REG3A: variants seen among roughly 807,000 people sequenced by gnomAD.
The protein encoded by REG3A is regenerating family member 3 alpha, also known as regenerating islet-derived protein 3-alpha.
Under a neutral mutation model 20.5 loss-of-function variants are expected in REG3A, and 15 were observed. That is an observed-to-expected ratio of 0.73 (90% confidence interval 0.49 to 1.12). The LOEUF is 1.12. REG3A is among the 50% of genes most tolerant of loss of function. The probability of loss-of-function intolerance (pLI) is 0.00; values close to 1 mark genes in which losing one functional copy is unlikely to be tolerated. For synonymous variants in REG3A, 93 were observed against 83.2 expected (o/e 1.12, Z -0.64); for missense variants, 224 against 213.1 (o/e 1.05, Z -0.32).
chr2:79,159,494 AT>A, intron 1 of REG3A, 55 bp from the exon 2 acceptor site: 1 of 1,306,508 alleles, frequency 7.7e-7, no homozygotes, highest in South Asian at 1.2e-5. Context: ...GCCTCATGTC[AT>A]TTTCCTTCTC....
chr2:79,157,464 C>A, intron 5 of REG3A, 108 bp downstream of exon 5: 1 of 1,502,756 alleles, frequency 6.7e-7, no homozygotes. Flanking sequence ...TAAGAGAAGA[C>A]ACACTAACAT....
chr2:79,157,110 A>G lies in REG3A; in HGVS notation c.*116T>C. 2 of 768,098 alleles carry G rather than the reference A, an allele frequency of 2.6e-6. No homozygotes were observed. The highest frequency in any genetic ancestry group is 1.6e-5 in the South Asian group (1 of 64,464). 47.6% of individuals were successfully genotyped at this position (768,098 alleles called of 1,614,324 possible). ...AAGAAACAGAAGAAAGATAAGAATG[A>G]GGTGGTCAGGTTGGGGGAATTAAGC... On this transcript the variant is annotated 3_prime_UTR_variant, in exon 6 of 6. Coordinates refer to ENST00000305165, the MANE Select transcript of REG3A (RefSeq NM_002580.3).
intron 1 of REG3A, 87 bp from the exon 2 acceptor site, chr2:79,159,526 G>A: frequency 2.2e-6 from 2 of 915,598 alleles, no homozygotes; most frequent in Non-Finnish European, 3.5e-6. Context: ...GGACTAAAGT[G>A]ATCTTGGTCA....
Position 79,157,618 on chromosome 2 carries a change from G to A in REG3A, c.414C>T (p.Ser138=), listed in dbSNP as rs745466115. 7 of 1,614,040 alleles carry A rather than the reference G, an allele frequency of 4.3e-6. No homozygotes were observed. The South Asian group carries it at 7.7e-5, about 18-fold the overall frequency. Reference sequence around the variant, plus strand: ...CACAGTGGCCGGGGCTTGAGATGGTGGAGGGATTTCTCTCCCATGCAAAGT... The same window carrying A: ...CACAGTGGCCGGGGCTTGAGATGGTAGAGGGATTTCTCTCCCATGCAAAGT... ...MNYFAWERNP[S]TISSPGHCAS... Residue 138 remains serine, a synonymous_variant, in exon 5 of 6, where the codon TCC becomes TCT. Coordinates refer to ENST00000305165, the MANE Select transcript of REG3A (RefSeq NM_002580.3).
rs1420982983 is a variant in REG3A at position 79,157,120 on chromosome 2, G to T, written c.*106C>A. On this transcript the variant is annotated 3_prime_UTR_variant, in exon 6 of 6. Coordinates refer to ENST00000305165, the MANE Select transcript of REG3A (RefSeq NM_002580.3). ...AGAAAGATAAGAATGAGGTGGTCAG[G>T]TTGGGGGAATTAAGCGAATATTCTC... 8 of 852,786 alleles carry T rather than the reference G, an allele frequency of 9.4e-6. No individual in the cohort carries two copies. Among genetic ancestry groups the T allele is most frequent in the Non-Finnish European group, 1.6e-5 (8 of 500,516 alleles). 52.8% of individuals were successfully genotyped at this position (852,786 alleles called of 1,614,324 possible). A position where few individuals can be genotyped will look rare whatever the true frequency, so the allele number is the denominator to read the frequency against.
In REG3A at chr2:79,159,324, T is replaced by C. The variant is rs1673392370; in HGVS notation, c.76+6A>G. 1 of 1,613,754 alleles carries C rather than the reference T, an allele frequency of 6.2e-7. No individual in the cohort carries two copies. The highest frequency in any genetic ancestry group is 8.5e-7 in the Non-Finnish European group (1 of 1,179,902). On this transcript the variant is annotated splice_donor_region_variant and intron_variant, in intron 2 of 5. Coordinates refer to ENST00000305165, the MANE Select transcript of REG3A (RefSeq NM_002580.3). ...GAACCCAGTGCTAGAGGCAAAGCAATCTCACCTTGAACCTGAGACAGCAGC... is the reference window on the plus strand; with the variant it reads ...GAACCCAGTGCTAGAGGCAAAGCAACCTCACCTTGAACCTGAGACAGCAGC...
In REG3A at chr2:79,158,785, A is replaced by AG. The variant is rs750566108; in HGVS notation, c.77-17dup. 4.6e-6 allele frequency: 7 copies of AG among 1,532,994 alleles called. No individual in the cohort carries two copies. Among genetic ancestry groups the AG allele is most frequent in the Non-Finnish European group, 6.3e-6 (7 of 1,108,852 alleles). 95.0% of individuals were successfully genotyped at this position (1,532,994 alleles called of 1,614,324 possible). A position where few individuals can be genotyped will look rare whatever the true frequency, so the allele number is the denominator to read the frequency against. ...GGTTCTTCACCTGAGGTGGAAGAAG[A>AG]GGGGGGAGGGTAAAATGAAGAGTGG... On this transcript the variant is annotated splice_polypyrimidine_tract_variant and intron_variant, in intron 2 of 5. Coordinates refer to ENST00000305165, the MANE Select transcript of REG3A (RefSeq NM_002580.3).
Position 79,158,710 on chromosome 2 carries a change from C to G in REG3A, c.136G>C (p.Ala46Pro). 6.2e-7 allele frequency: 1 copy of G among 1,614,070 alleles called. No individual in the cohort carries two copies. The highest frequency in any genetic ancestry group is 8.5e-7 in the Non-Finnish European group (1 of 1,180,020). Reference protein sequence around the residue: ...ARIRCPKGSKAYGSHCYALFL... With the variant: ...ARIRCPKGSKPYGSHCYALFL... ...AAGGCATAGCAGTGGGAGCCATAGGCCTTGGAGCCTTTGGGACAGCGGATC... is the reference window on the plus strand; with the variant it reads ...AAGGCATAGCAGTGGGAGCCATAGGGCTTGGAGCCTTTGGGACAGCGGATC... The change falls in exon 3 of 6, where the codon GCC becomes CCC. Residue 46 changes from alanine (A) to proline (P), a missense_variant. Ala to Pro is a conservative substitution (Grantham distance 27, BLOSUM62 -1). Transcript: ENST00000305165.
rs1206913303 is a variant in REG3A, at chr2:79,158,744, G to C, written c.102C>G (p.Pro34=). 5.0e-6 allele frequency: 8 copies of C among 1,613,992 alleles called. No individual in the cohort carries two copies. Among genetic ancestry groups the C allele is most frequent in the Non-Finnish European group, 6.8e-6 (8 of 1,179,962 alleles). ...VQGEEPQREL[P]SARIRCPKGS... ...CTTTGGGACAGCGGATCCGTGCAGAGGGCAGTTCCCTCTGGGGTTCTTCAC... is the reference window on the plus strand; with the variant it reads ...CTTTGGGACAGCGGATCCGTGCAGACGGCAGTTCCCTCTGGGGTTCTTCAC... Residue 34 remains proline, a synonymous_variant, in exon 3 of 6, where the codon CCC becomes CCG. Transcript: ENST00000305165.
chr2:79,159,425 G>C lies in REG3A; in HGVS notation c.-20C>G, dbSNP rs761859740. ...CAGCATAGTGTCTGCGACTTGAGGA[G>C]GCAATCAGGAGTCACTAAAGAAAGC... On this transcript the variant is annotated 5_prime_UTR_variant, in exon 2 of 6. Coordinates refer to ENST00000305165, the MANE Select transcript of REG3A (RefSeq NM_002580.3). 6.2e-7 allele frequency: 1 copy of C among 1,613,046 alleles called. No individual in the cohort carries two copies. Among genetic ancestry groups the C allele is most frequent in the Admixed American group, 1.7e-5 (1 of 59,942 alleles).
rs565734557 is a variant in REG3A, at chr2:79,159,398, G to A, written c.8C>T (p.Pro3Leu). Residue 3 changes from proline to leucine, a missense_variant, in exon 2 of 6, where the codon CCT (proline) becomes CTT (leucine). Coordinates refer to ENST00000305165, the MANE Select transcript of REG3A (RefSeq NM_002580.3). ML[P>L]PMALPSVSWM... The stretch of plus-strand genomic sequence containing the variant: ...AGATACACTGGGCAGGGCCATGGGA[G>A]GCAGCATAGTGTCTGCGACTTGAGG... 91 of 1,613,912 alleles carry A rather than the reference G, an allele frequency of 5.6e-5. 2 individuals carry two copies. In the South Asian group the frequency reaches 9.0e-4, roughly 16 times the overall value.
At position 79,159,424 on chromosome 2, in the gene REG3A, A is replaced by T. The variant is rs775447106; in HGVS notation, c.-19T>A. 1.9e-5 allele frequency: 31 copies of T among 1,612,940 alleles called. No individual in the cohort carries two copies. The Middle Eastern group carries it at 3.1e-3, about 163-fold the overall frequency. ...GCAGCATAGTGTCTGCGACTTGAGG[A>T]GGCAATCAGGAGTCACTAAAGAAAG... is the stretch of plus-strand genomic sequence containing the variant. On this transcript the variant is annotated 5_prime_UTR_variant, in exon 2 of 6. Coordinates refer to ENST00000305165, the MANE Select transcript of REG3A (RefSeq NM_002580.3).
intron 5 of REG3A, 77 bp from the exon 6 acceptor site, chr2:79,157,370 G>T: frequency 1.3e-6 from 2 of 1,500,246 alleles, no homozygotes; most frequent in Non-Finnish European, 9.3e-7. Flanking sequence ...CCAGGTTTTA[G>T]CCTAGAAGTT....
chr2:79,159,448 A>C lies in REG3A; in HGVS notation c.-34-9T>G. The C allele has an allele frequency of 6.2e-7, 1 of 1,600,996 alleles. No individual in the cohort carries two copies. The highest frequency in any genetic ancestry group is 1.1e-5 in the South Asian group (1 of 90,756). On this transcript the variant is annotated splice_polypyrimidine_tract_variant and intron_variant, in intron 1 of 5. Transcript: ENST00000305165. ...GAGGCAATCAGGAGTCACTAAAGAAAGCGTGGTCAGTGGGAGAACACACAG... is the reference window on the plus strand; with the variant it reads ...GAGGCAATCAGGAGTCACTAAAGAACGCGTGGTCAGTGGGAGAACACACAG...
chr2:79,158,551 A>G (rs572316355), intron 3 of REG3A, 88 bp from the exon 4 acceptor site: 1 of 1,604,058 alleles, frequency 6.2e-7, no homozygotes, highest in African/African-American at 1.3e-5. Context: ...GACTGTGTGA[A>G]AGATAAACGT....
rs1407133630 is a variant in REG3A, at chr2:79,159,445, GA to G, written c.-34-7del. On this transcript the variant is annotated splice_polypyrimidine_tract_variant and splice_region_variant and intron_variant, in intron 1 of 5. Transcript: ENST00000305165. ...GAGGAGGCAATCAGGAGTCACTAAA[GA>G]AAGCGTGGTCAGTGGGAGAACACAC... 6.2e-7 allele frequency: 1 copy of G among 1,603,784 alleles called. No homozygotes were observed. The highest frequency in any genetic ancestry group is 8.5e-7 in the Non-Finnish European group (1 of 1,170,898).
intron 4 of REG3A, 79 bp downstream of exon 4, chr2:79,158,247 C>G: frequency 6.6e-7 from 1 of 1,509,020 alleles, no homozygotes; most frequent in South Asian, 1.3e-5. Flanking sequence ...ACTTCCTGGG[C>G]AGGCACAGGG....
intron 2 of REG3A, 126 bp from the exon 3 acceptor site, chr2:79,158,895 C>T (rs1486334858): frequency 1.3e-5 from 9 of 696,290 alleles, no homozygotes; most frequent in Non-Finnish European, 2.2e-5. Context: ...CTTCATCTTC[C>T]CTTATGTTTT....
At chr2:79,159,026 C>T (rs1473770149) in intron 2 of REG3A, 4 of 578,554 alleles carry the variant, frequency 6.9e-6, no homozygotes, top group Admixed American at 6.0e-5. Context: ...TACATTGGGT[C>T]CTCCAATCAT....
Sources: gnomAD v4.1 joint callset for allele counts on GRCh38, gnomAD v4.1.1 for gene constraint, MANE v1.5 for transcripts, NCBI Gene and HGNC (gene_info 2026-07-23, HGNC 2026-07-21) for gene names.